Variants in KLHDC4 observed in about 807,000 individuals in gnomAD.
KLHDC4 encodes the protein kelch domain containing 4, also known as kelch domain-containing protein 4.
A neutral mutation model predicts 62.4 loss-of-function variants in KLHDC4; 90 were observed. The observed-to-expected ratio is 1.44, with a 90% CI of 1.22 to 1.72. The LOEUF (loss-of-function observed/expected upper bound fraction) is 1.72, where lower values mean the gene tolerates loss of function less well. Among genes scored for constraint, KLHDC4 ranks in the 40% most tolerant of loss-of-function variants. The pLI is 0.00. For synonymous variants in KLHDC4, 386 were observed against 284.4 expected (o/e 1.36, Z -3.59); for missense variants, 1,025 against 699.7 (o/e 1.47, Z -5.25).
intron 7 of KLHDC4, among the ~76,000 whole-genome samples, chr16:87,718,516 C>T (rs1027081888): frequency 4.7e-5 from 7 of 150,368 alleles, no homozygotes; most frequent in Admixed American, 3.3e-4. Context: ...ATTGCAGGCA[C>T]GCGCCGCCAC....
exon 1 of KLHDC4, chr16:87,699,281 AAC>A (rs1322495567): frequency 2.0e-5 from 3 of 152,284 alleles, no homozygotes; most frequent in South Asian, 2.1e-4. Flanking sequence ...CGGGAACTGA[AAC>A]AGTCTCTTTA....
At chr16:87,718,788 C>G (rs1018189098) in intron 7 of KLHDC4, among the ~76,000 whole-genome samples, 1 of 151,856 alleles carries the variant, frequency 6.6e-6, no homozygotes, top group African/African-American at 2.4e-5. Flanking sequence ...ACGAGCGTCT[C>G]TGACCGGCCG....
intron 7 of KLHDC4, among the ~76,000 whole-genome samples, chr16:87,715,321 C>T (rs1031706579): frequency 3.9e-5 from 6 of 152,188 alleles, no homozygotes; most frequent in East Asian, 1.9e-4. Flanking sequence ...ACGATAGTAC[C>T]GAGAGCTCTC....
At chr16:87,708,509 A>G in intron 10 of KLHDC4, 43 bp from the exon 11 acceptor site, 1 of 1,494,710 alleles carries the variant, frequency 6.7e-7, no homozygotes, top group Non-Finnish European at 9.1e-7. Flanking sequence ...AGCGCAGCTG[A>G]GGCAGGTGGG....
At chr16:87,707,350 T>C (rs1432943778), downstream of KLHDC4, among the ~76,000 whole-genome samples, 3 of 152,166 alleles carry the variant, frequency 2.0e-5, no homozygotes, top group Non-Finnish European at 4.4e-5. Context: ...TCCTAAACCC[T>C]AAACCCGACT....
At position 87,711,346 on chromosome 16, in the gene KLHDC4, G is replaced by T. The variant is rs774103680; in HGVS notation, c.933C>A (p.Phe311Leu). ...VAMAPNHQTL[F>L]FGGVCDEEEE... ...CTTCCTCGTCACAGACACCCCCGAA[G>T]AACAGTGTCTGGTGATTCGGGGCCA... The change falls in exon 9 of 12, where the codon TTC becomes TTA. Residue 311 changes from phenylalanine to leucine, a missense_variant. Phe to Leu is a conservative substitution (Grantham distance 22). Coordinates refer to ENST00000270583, the MANE Select transcript of KLHDC4 (RefSeq NM_017566.4). 6.2e-7 allele frequency: 1 copy of T among 1,614,016 alleles called. No homozygotes were observed. Among genetic ancestry groups the T allele is most frequent in the East Asian group, 2.2e-5 (1 of 44,882 alleles).
intron 6 of KLHDC4, among the ~76,000 whole-genome samples, chr16:87,730,164 C>T (rs12922499): frequency 0.057 from 8,718 of 152,218 alleles, 321 homozygotes; most frequent in South Asian, 0.15. Flanking sequence ...ATGTTGGCCA[C>T]GCTGGTTTCG....
rs543576021 is a variant in KLHDC4, at chr16:87,717,675, T to G, written c.760-3102A>C. ...AATGGCTGTCATTTCCATGCCTGCT[T>G]TTCCAAACCTAAGGGCCTAGCATTA... On this transcript the variant is annotated intron_variant, in intron 7 of 11. Coordinates refer to ENST00000270583, the MANE Select transcript of KLHDC4 (RefSeq NM_017566.4). 3.3e-5 allele frequency among the ~76,000 whole-genome samples: 5 copies of G among 150,654 alleles called. No homozygotes were observed. The South Asian group carries it at 6.2e-4, about 19-fold the overall frequency.
chr16:87,706,510 T>G (rs910830194), downstream of KLHDC4, among the ~76,000 whole-genome samples: 1 of 152,140 alleles, frequency 6.6e-6, no homozygotes, highest in Non-Finnish European at 1.5e-5. Context: ...CTCACTCCTG[T>G]CAGCACTGCC....
At chr16:87,758,903 C>T (rs997701797) in intron 2 of KLHDC4, among the ~76,000 whole-genome samples, 1 of 77,696 alleles carries the variant, frequency 1.3e-5, no homozygotes, top group African/African-American at 6.8e-5. Flanking sequence ...TGGCCAGGCG[C>T]ATTGGCTCAT....
intron 6 of KLHDC4, 147 bp from the exon 7 acceptor site, chr16:87,727,071 C>G (rs969334660): frequency 6.3e-6 from 5 of 796,790 alleles, no homozygotes; most frequent in Non-Finnish European, 9.7e-6. Flanking sequence ...TACACCAACA[C>G]AACAATCAAC....
chr16:87,723,762 A>T (rs752924934), intron 7 of KLHDC4, among the ~76,000 whole-genome samples: 6 of 152,274 alleles, frequency 3.9e-5, no homozygotes, highest in Non-Finnish European at 8.8e-5. Context: ...AGAATGGAGA[A>T]ACAGACCTAT....
At chr16:87,746,519 G>A (rs769086856) in intron 5 of KLHDC4, among the ~76,000 whole-genome samples, 4 of 152,106 alleles carry the variant, frequency 2.6e-5, no homozygotes, top group Non-Finnish European at 5.9e-5. Context: ...CAGGACCAAG[G>A]GTGACCTGCG....
At position 87,755,261 on chromosome 16, in the gene KLHDC4, T is replaced by A; in HGVS notation, c.302A>T (p.Asn101Ile). 1 of 1,607,678 alleles carries A rather than the reference T, an allele frequency of 6.2e-7. No homozygotes were observed. The highest frequency in any genetic ancestry group is 8.5e-7 in the Non-Finnish European group (1 of 1,174,320). Reference sequence around the variant, plus strand: ...TTTGGTCCAGGTGTCCTTTCTGGTATTGTAGACATAGAGCTCGTTATACAA... The same window carrying A: ...TTTGGTCCAGGTGTCCTTTCTGGTAATGTAGACATAGAGCTCGTTATACAA... The part of the protein sequence containing the change: ...TFLYNELYVY[N>I]TRKDTWTKVD... Residue 101 changes from asparagine (N) to isoleucine (I), a missense_variant, in exon 4 of 12, where the codon AAT becomes ATT. Transcript: ENST00000270583.
chr16:87,720,677 G>A (rs139568803), intron 7 of KLHDC4, among the ~76,000 whole-genome samples: 7 of 152,352 alleles, frequency 4.6e-5, no homozygotes, highest in Non-Finnish European at 1.0e-4. Flanking sequence ...ATGAAGCCGC[G>A]CGCCCCCTCC....
intron 5 of KLHDC4, among the ~76,000 whole-genome samples, chr16:87,746,397 G>A (rs144051168): frequency 1.3e-5 from 2 of 151,970 alleles, no homozygotes; most frequent in African/African-American, 4.8e-5. Context: ...GAGACAGAGA[G>A]AGAAAGAGAG....
downstream of KLHDC4, among the ~76,000 whole-genome samples, chr16:87,703,727 G>A (rs1229792963): frequency 1.3e-5 from 2 of 152,210 alleles, no homozygotes; most frequent in Non-Finnish European, 2.9e-5. Flanking sequence ...GCTGGACTCA[G>A]GGAAGCCGGG....
At chr16:87,714,167 C>T (rs1383634877) in intron 8 of KLHDC4, among the ~76,000 whole-genome samples, 12 of 152,170 alleles carry the variant, frequency 7.9e-5, no homozygotes, top group Admixed American at 7.2e-4. Flanking sequence ...GTTCTCCCTT[C>T]GAGAGCTCAA....
chr16:87,732,097 C>CTTTTTTTT (rs61370494), intron 5 of KLHDC4, among the ~76,000 whole-genome samples: 1 of 132,244 alleles, frequency 7.6e-6, no homozygotes, highest in Non-Finnish European at 1.6e-5. Context: ...GTGCATATTT[C>CTTTTTTTT]TTTTTTTTTT....
Sources: gnomAD v4.1 joint callset for allele counts (sites outside exome capture counted in the v4.1 genomes callset) on GRCh38, gnomAD v4.1.1 for gene constraint, MANE v1.5 for transcripts, NCBI Gene and HGNC (gene_info 2026-07-23, HGNC 2026-07-21) for gene names.